The following GRIA3 variants were observed in gnomAD, a reference collection of about 807,000 sequenced individuals.
GRIA3 encodes the protein glutamate ionotropic receptor AMPA type subunit 3.
GRIA3 carries 3 observed loss-of-function variants against 63.0 expected under a neutral mutation model. The ratio of observed to expected loss-of-function variants is 0.05; its 90% confidence interval spans 0.02 to 0.12. GRIA3 has a LOEUF of 0.12. Among genes scored for constraint, GRIA3 ranks in the 10% least tolerant of loss-of-function variants. GRIA3 has a pLI of 1.00. For synonymous variants in GRIA3, 274 were observed against 257.9 expected, an observed-to-expected ratio of 1.06 and a Z score of -0.60; for missense variants, 347 against 700.9, an observed-to-expected ratio of 0.50 and a Z score of 5.70.
chrX:123,311,208 C>T (rs1175555450), intron 3 of GRIA3, among the ~76,000 whole-genome samples: 1 of 111,478 alleles, frequency 9.0e-6, no homozygotes, highest in Non-Finnish European at 1.9e-5. Flanking sequence ...AGATTGCACG[C>T]AAGTTCAAAC....
chrX:123,333,747 A>C (rs2044956569), intron 4 of GRIA3, among the ~76,000 whole-genome samples: 1 of 110,922 alleles, frequency 9.0e-6, no homozygotes, highest in Admixed American at 9.6e-5. Context: ...AAAAGAGGAG[A>C]TCCCATTCCT....
chrX:123,388,209 T>A (rs5958236), intron 5 of GRIA3, among the ~76,000 whole-genome samples: 1 of 110,362 alleles, frequency 9.1e-6, no homozygotes, highest in African/African-American at 3.3e-5. Context: ...TTCCAGTTTG[T>A]TATCATCCAG....
At chrX:123,210,175 CT>C (rs200522754) in intron 2 of GRIA3, among the ~76,000 whole-genome samples, 5,845 of 92,116 alleles carry the variant, frequency 0.063, 404 homozygotes, top group African/African-American at 0.21. Flanking sequence ...CAACCTGCTC[CT>C]TTTTTTTTTT....
At chrX:123,194,874 T>C (rs1448611305) in intron 2 of GRIA3, among the ~76,000 whole-genome samples, 1 of 112,488 alleles carries the variant, frequency 8.9e-6, no homozygotes, top group African/African-American at 3.2e-5. Flanking sequence ...TGAGGTGCTA[T>C]TGGCCTATGC....
rs7889138 is a variant in GRIA3 at position 123,203,909 on chromosome X, T to C, written c.268+17919T>C. On this transcript the variant is annotated intron_variant, in intron 2 of 15. Coordinates refer to ENST00000620443, the MANE Select transcript of GRIA3 (RefSeq NM_007325.5). Reference sequence around the variant, plus strand: ...TAATACTGTCATCCCTCTAGGGTGATTGTCAGGATTAAATGACAGAATTCA... The same window carrying C: ...TAATACTGTCATCCCTCTAGGGTGACTGTCAGGATTAAATGACAGAATTCA... Among the ~76,000 whole-genome samples the C allele has an allele frequency of 6.2e-3, 690 of 112,181 alleles. 8 individuals carry two copies. The highest frequency in any genetic ancestry group is 0.021 in the African/African-American group (636 of 30,863).
At chrX:123,184,930 G>A in intron 1 of GRIA3, 1 of 443,956 alleles carries the variant, frequency 2.3e-6, no homozygotes, top group Non-Finnish European at 4.1e-6. Flanking sequence ...GAGGCGAGCA[G>A]GAGGCTGGGA....
intron 5 of GRIA3, among the ~76,000 whole-genome samples, chrX:123,380,613 G>A (rs1306765505): frequency 9.0e-6 from 1 of 111,643 alleles, no homozygotes; most frequent in Non-Finnish European, 1.9e-5. Context: ...CACTCTGATG[G>A]TAGTTTCTTT....
intron 12 of GRIA3, among the ~76,000 whole-genome samples, chrX:123,443,584 G>A (rs2045687612): frequency 9.0e-6 from 1 of 111,567 alleles, no homozygotes; most frequent in Admixed American, 9.5e-5. Flanking sequence ...TTGGAGAGAA[G>A]CTCTCTCCTA....
intron 3 of GRIA3, among the ~76,000 whole-genome samples, chrX:123,308,667 A>G (rs1382765255): frequency 3.6e-5 from 4 of 111,509 alleles, no homozygotes; most frequent in Non-Finnish European, 7.5e-5. Context: ...GGGTTACTGG[A>G]AAAAAGCCTT....
chrX:123,269,846 C>T (rs2044509949), intron 3 of GRIA3, among the ~76,000 whole-genome samples: 1 of 111,845 alleles, frequency 8.9e-6, no homozygotes, highest in African/African-American at 3.2e-5. Context: ...ATTTTTATGG[C>T]TTTACTGGGC....
intron 3 of GRIA3, among the ~76,000 whole-genome samples, chrX:123,263,093 C>T (rs111466399): frequency 0.025 from 2,779 of 112,311 alleles, 73 homozygotes; most frequent in African/African-American, 0.083. Context: ...AATCCTGTAG[C>T]AAAAGTGCAA....
chrX:123,258,746 C>A (rs1022833226), intron 3 of GRIA3, among the ~76,000 whole-genome samples: 2 of 111,592 alleles, frequency 1.8e-5, no homozygotes, highest in African/African-American at 6.5e-5. Flanking sequence ...TACCTTCTTG[C>A]CAGTGTTCAA....
intron 5 of GRIA3, among the ~76,000 whole-genome samples, chrX:123,362,643 T>C (rs2147355364): frequency 9.1e-6 from 1 of 110,419 alleles, no homozygotes; most frequent in South Asian, 3.9e-4. Context: ...ATCTGATTTA[T>C]GCTTTTTTAA....
At chrX:123,481,564 C>T (rs1451344716) in intron 14 of GRIA3, among the ~76,000 whole-genome samples, 1 of 112,158 alleles carries the variant, frequency 8.9e-6, no homozygotes, top group Non-Finnish European at 1.9e-5. Context: ...CAGCAATGGC[C>T]ATCATCTGTC....
At chrX:123,184,746 G>A in intron 1 of GRIA3, 102 bp downstream of exon 1, 1 of 598,109 alleles carries the variant, frequency 1.7e-6, no homozygotes, top group Non-Finnish European at 2.9e-6. Flanking sequence ...TGCGTGGCCT[G>A]GGAACTGGGA....
intron 5 of GRIA3, among the ~76,000 whole-genome samples, chrX:123,387,734 T>G (rs2045361531): frequency 8.9e-6 from 1 of 112,676 alleles, no homozygotes; most frequent in Admixed American, 9.4e-5. Flanking sequence ...TGTATTACAT[T>G]TATTGATTTG....
chrX:123,470,199 G>A (rs1405356541), intron 13 of GRIA3, among the ~76,000 whole-genome samples: 2 of 111,476 alleles, frequency 1.8e-5, no homozygotes, highest in African/African-American at 6.5e-5. Flanking sequence ...TAACTTGAGA[G>A]GCATATAAGG....
chrX:123,379,627 T>TG (rs2045309070), intron 5 of GRIA3, among the ~76,000 whole-genome samples: 1 of 106,698 alleles, frequency 9.4e-6, no homozygotes, highest in Non-Finnish European at 1.9e-5. Flanking sequence ...CTTGTTTTTT[T>TG]TTTTTTTTTT....
chrX:123,407,817 G>A (rs1044519461), intron 10 of GRIA3, among the ~76,000 whole-genome samples: 7 of 109,868 alleles, frequency 6.4e-5, no homozygotes, highest in Admixed American at 2.0e-4. Context: ...AACAGCTAAA[G>A]TGTGGTTTCA....
Sources: allele counts gnomAD v4.1 joint callset (sites outside exome capture counted in the v4.1 genomes callset), GRCh38; gene constraint gnomAD v4.1.1; transcripts MANE v1.5; gene names NCBI Gene and HGNC (gene_info 2026-07-23, HGNC 2026-07-21).